Variants in CERS6 observed in about 807,000 individuals in gnomAD.
The protein encoded by CERS6 is LAG1 homolog, ceramide synthase 6.
In CERS6, 26 loss-of-function variants were observed where a neutral mutation model predicts 56.8. That is an observed-to-expected ratio of 0.46 (90% CI 0.34 to 0.63). The LOEUF is 0.63. Among genes scored for constraint, CERS6 ranks in the 30% least tolerant of loss-of-function variants. The pLI is 0.01. For synonymous variants in CERS6, 164 were observed against 173.3 expected (o/e 0.95, Z 0.42); for missense variants, 415 against 467.5 (o/e 0.89, Z 1.04).
chr2:168,724,957 C>T (rs534782754), intron 8 of CERS6, among the ~76,000 whole-genome samples: 33 of 152,278 alleles, frequency 2.2e-4, no homozygotes, highest in Non-Finnish European at 4.7e-4. Flanking sequence ...GGGTGGCACT[C>T]GTCGTGGAGG....
rs1439012361 is a variant in CERS6 at position 168,620,062 on chromosome 2, C to CACACACACACATATACATAT, written c.408-10922_408-10921insCACACACACATATACATATA. Among the ~76,000 whole-genome samples, 249 of 70,064 alleles carry CACACACACACATATACATAT rather than the reference C, an allele frequency of 3.6e-3. 3 individuals carry two copies. The highest frequency in any genetic ancestry group is 0.023 in the East Asian group (67 of 2,946). The allele number at this position is 70,064 out of a possible 152,430, so 46.0% of individuals were successfully genotyped here. On this transcript the variant is annotated intron_variant, in intron 3 of 9. Transcript: ENST00000305747. ...ACACACACACACACACACACACACACATATTTATATATATATGATCTAATA... is the reference window on the plus strand; with the variant it reads ...ACACACACACACACACACACACACACACACACACACATATACATATATATTTATATATATATGATCTAATA...
chr2:168,726,592 G>A (rs1683361657), intron 8 of CERS6, among the ~76,000 whole-genome samples: 1 of 152,184 alleles, frequency 6.6e-6, no homozygotes, highest in Admixed American at 6.5e-5. Context: ...TCCTCCCACA[G>A]TGTCTGAAGA....
intron 3 of CERS6, among the ~76,000 whole-genome samples, chr2:168,608,251 G>A (rs1276559294): frequency 1.3e-5 from 2 of 152,146 alleles, no homozygotes; most frequent in African/African-American, 2.4e-5. Flanking sequence ...ACCTCACTTT[G>A]TTTATCCATT....
chr2:168,614,021 T>C (rs1039457314), intron 3 of CERS6, among the ~76,000 whole-genome samples: 1 of 152,216 alleles, frequency 6.6e-6, no homozygotes, highest in African/African-American at 2.4e-5. Context: ...AATGGCTTAT[T>C]TTCTTATGCA....
intron 6 of CERS6, among the ~76,000 whole-genome samples, chr2:168,696,639 G>C (rs1157469905): frequency 6.6e-6 from 1 of 152,184 alleles, no homozygotes; most frequent in Non-Finnish European, 1.5e-5. Flanking sequence ...CAGATTCAGT[G>C]TCTGGCAACA....
At chr2:168,591,151 C>T (rs764165746) in intron 3 of CERS6, among the ~76,000 whole-genome samples, 4 of 152,098 alleles carry the variant, frequency 2.6e-5, no homozygotes, top group Non-Finnish European at 4.4e-5. Flanking sequence ...ATATTTTCCC[C>T]CTGTATTCTG....
chr2:168,600,508 A>C (rs1041612658), intron 3 of CERS6, among the ~76,000 whole-genome samples: 5 of 152,162 alleles, frequency 3.3e-5, no homozygotes, highest in Non-Finnish European at 5.9e-5. Context: ...CCGGCCTGCC[A>C]TACTTCTCTT....
chr2:168,701,497 G>A (rs1315630820), intron 6 of CERS6, among the ~76,000 whole-genome samples: 2 of 152,094 alleles, frequency 1.3e-5, no homozygotes, highest in African/African-American at 4.8e-5. Flanking sequence ...AATTGCTGGT[G>A]GTGGCACCAA....
chr2:168,584,884 T>C (rs1414864412), intron 3 of CERS6, among the ~76,000 whole-genome samples: 1 of 152,224 alleles, frequency 6.6e-6, no homozygotes, highest in African/African-American at 2.4e-5. Context: ...TCCTGTGAAA[T>C]GGTTGGAGGA....
chr2:168,504,088 A>C (rs1055329181), intron 1 of CERS6, among the ~76,000 whole-genome samples: 1 of 152,220 alleles, frequency 6.6e-6, no homozygotes, highest in African/African-American at 2.4e-5. Context: ...GAAGTATGTC[A>C]GTAAGACGAG....
intron 8 of CERS6, among the ~76,000 whole-genome samples, chr2:168,723,463 T>C (rs1227449595): frequency 6.6e-6 from 1 of 152,230 alleles, no homozygotes; most frequent in East Asian, 1.9e-4. Context: ...CCTTTCCTAT[T>C]ATCTTCATCA....
intron 3 of CERS6, among the ~76,000 whole-genome samples, chr2:168,628,149 G>A (rs996028324): frequency 6.6e-6 from 1 of 152,224 alleles, no homozygotes; most frequent in East Asian, 1.9e-4. Flanking sequence ...GTCATTTTTA[G>A]GAGGCTGTTC....
chr2:168,763,837 G>A lies in CERS6; in HGVS notation c.846-1755G>A, dbSNP rs531283777. Reference sequence around the variant, plus strand: ...TTGTGTGTCTCCAAACCATCCCTGGGGTAAGCTGAGGAGGAGAGCAGAGAG... The same window carrying A: ...TTGTGTGTCTCCAAACCATCCCTGGAGTAAGCTGAGGAGGAGAGCAGAGAG... On this transcript the variant is annotated intron_variant, in intron 8 of 9. Coordinates refer to ENST00000305747, the MANE Select transcript of CERS6 (RefSeq NM_203463.3). Among the ~76,000 whole-genome samples, 322 of 152,190 alleles carry A rather than the reference G, an allele frequency of 2.1e-3. 2 individuals are homozygous for A. Among genetic ancestry groups the A allele is most frequent in the Non-Finnish European group, 2.8e-3 (192 of 67,998 alleles).
chr2:168,703,749 G>A (rs896502873), intron 6 of CERS6, among the ~76,000 whole-genome samples: 7 of 152,124 alleles, frequency 4.6e-5, no homozygotes, highest in Non-Finnish European at 5.9e-5. Flanking sequence ...CAGGAGGGCC[G>A]CTTCACCTCT....
In CERS6 at chr2:168,771,416, T is replaced by C. The variant is rs979955028; in HGVS notation, c.*1754T>C. On this transcript the variant is annotated 3_prime_UTR_variant, in exon 10 of 10. Coordinates refer to ENST00000305747, the MANE Select transcript of CERS6 (RefSeq NM_203463.3). The stretch of plus-strand genomic sequence containing the variant: ...ATAATTGAAGAGGCTTAGAAATACA[T>C]CTGCTTGTTTATTGAGAAAACGATG... 6.6e-6 allele frequency: 1 copy of C among 152,228 alleles called. No homozygotes were observed. Among genetic ancestry groups the C allele is most frequent in the Non-Finnish European group, 1.5e-5 (1 of 68,038 alleles). The allele number at this position is 152,228 out of a possible 1,614,324, so 9.4% of individuals were successfully genotyped here.
chr2:168,476,640 G>C (rs1694075739), intron 1 of CERS6, among the ~76,000 whole-genome samples: 1 of 152,150 alleles, frequency 6.6e-6, no homozygotes. Context: ...GAAAAGGCCT[G>C]AGAACGTAGT....
chr2:168,520,308 C>A (rs183238914), intron 1 of CERS6, among the ~76,000 whole-genome samples: 5 of 152,150 alleles, frequency 3.3e-5, no homozygotes, highest in Admixed American at 3.3e-4. Flanking sequence ...CGTTTAAGTT[C>A]CTTATAGATT....
intron 1 of CERS6, among the ~76,000 whole-genome samples, chr2:168,496,367 A>G (rs897717301): frequency 7.2e-5 from 11 of 151,976 alleles, no homozygotes; most frequent in Non-Finnish European, 1.6e-4. Context: ...AAAAATGGTA[A>G]CATATTGTAT....
rs141051112 is a variant in CERS6, at chr2:168,528,973, T to C, written c.171-18623T>C. ...ATGCCATCATCAGACTTGATCTCTGTCTATATAAAGGAGTTTGCTGGGACC... is the reference window on the plus strand; with the variant it reads ...ATGCCATCATCAGACTTGATCTCTGCCTATATAAAGGAGTTTGCTGGGACC... On this transcript the variant is annotated intron_variant, in intron 1 of 9. Coordinates refer to ENST00000305747, the MANE Select transcript of CERS6 (RefSeq NM_203463.3). Among the ~76,000 whole-genome samples the C allele has an allele frequency of 2.6e-3, 397 of 152,276 alleles. 2 individuals carry two copies. Among genetic ancestry groups the C allele is most frequent in the African/African-American group, 9.0e-3 (373 of 41,538 alleles).
Sources: gnomAD v4.1 joint callset for allele counts (sites outside exome capture counted in the v4.1 genomes callset) on GRCh38, gnomAD v4.1.1 for gene constraint, MANE v1.5 for transcripts, NCBI Gene and HGNC (gene_info 2026-07-23, HGNC 2026-07-21) for gene names.